Variants in TBX15 observed in about 807,000 individuals in gnomAD.
TBX15 encodes T-box transcription factor 15.
A neutral mutation model predicts 53.9 loss-of-function variants in TBX15; 18 were observed. The observed-to-expected ratio is 0.33, with a 90% CI of 0.23 to 0.49. The LOEUF is 0.49. Ranked by LOEUF, TBX15 falls within the 20% of genes least tolerant of loss-of-function variation. TBX15 has a pLI of 0.98. For synonymous variants in TBX15, 295 were observed against 278.0 expected (o/e 1.06, Z -0.61); for missense variants, 692 against 749.5 (o/e 0.92, Z 0.90).
In TBX15 at chr1:118,958,572, A is replaced by T. The variant is rs76476976; in HGVS notation, c.206-26740T>A. Among the ~76,000 whole-genome samples the T allele has an allele frequency of 2.2e-4, 33 of 152,280 alleles. No individual in the cohort carries two copies. The East Asian group carries it at 5.2e-3, about 24-fold the overall frequency. On this transcript the variant is annotated intron_variant, in intron 1 of 7. Transcript: ENST00000369429. ...GCACTAAATATTATTTATCTTGATC[A>T]GTGATATAATTTTTGCCTCCGCATG...
chr1:118,939,924 C>T (rs781415271), intron 1 of TBX15, among the ~76,000 whole-genome samples: 9 of 151,688 alleles, frequency 5.9e-5, no homozygotes, highest in South Asian at 4.2e-4. Context: ...ATTATTGCTG[C>T]CATTTTATAT....
chr1:118,950,715 T>C (rs1201088086), intron 1 of TBX15, among the ~76,000 whole-genome samples: 1 of 152,236 alleles, frequency 6.6e-6, no homozygotes, highest in Non-Finnish European at 1.5e-5. Flanking sequence ...TGGGCCTTTA[T>C]TATTCTCTAA....
At chr1:118,961,404 G>A (rs572919802) in intron 1 of TBX15, among the ~76,000 whole-genome samples, 5 of 152,118 alleles carry the variant, frequency 3.3e-5, no homozygotes, top group South Asian at 2.1e-4. Context: ...CTACAGTCTC[G>A]ATGTTTGCAA....
intron 1 of TBX15, among the ~76,000 whole-genome samples, chr1:118,948,564 T>C (rs888220592): frequency 2.6e-5 from 4 of 152,300 alleles, no homozygotes; most frequent in African/African-American, 9.6e-5. Flanking sequence ...TCTTTTCCCC[T>C]CTGGGCCTCA....
chr1:118,885,068 T>C lies in TBX15; in HGVS notation c.1473A>G (p.Ser491=), dbSNP rs1181858807. The C allele has an allele frequency of 9.3e-6, 15 of 1,613,968 alleles. No homozygotes were observed. The African/African-American group carries it at 2.0e-4, about 22-fold the overall frequency. Residue 491 remains serine, a synonymous_variant, in exon 8 of 8, where the codon TCA becomes TCG. Coordinates refer to ENST00000369429, the MANE Select transcript of TBX15 (RefSeq NM_001330677.2). ...GGCTGCCCCCGAACATGTGTGGTGATGAGGAGCTGGAGGCAGCATTGCCTG... is the reference window on the plus strand; with the variant it reads ...GGCTGCCCCCGAACATGTGTGGTGACGAGGAGCTGGAGGCAGCATTGCCTG... ...MQAGNAASSS[S]SPHMFGGSHM...
At chr1:118,975,455 CA>C (rs1296385103) in intron 1 of TBX15, among the ~76,000 whole-genome samples, 1 of 152,190 alleles carries the variant, frequency 6.6e-6, no homozygotes, top group Non-Finnish European at 1.5e-5. Flanking sequence ...TTTCCACCTA[CA>C]AAGGTTCAAC....
intron 1 of TBX15, among the ~76,000 whole-genome samples, chr1:118,956,274 A>G (rs1471594428): frequency 6.6e-6 from 1 of 151,610 alleles, no homozygotes; most frequent in Non-Finnish European, 1.5e-5. Flanking sequence ...TTAGATTAGG[A>G]AAAAAAAATA....
intron 1 of TBX15, among the ~76,000 whole-genome samples, chr1:118,951,719 C>T (rs1285818369): frequency 6.6e-6 from 1 of 152,182 alleles, no homozygotes. Context: ...GCTTCCTGCT[C>T]CTATATCTGC....
intron 1 of TBX15, among the ~76,000 whole-genome samples, chr1:118,942,198 T>C (rs1440183142): frequency 6.6e-6 from 1 of 152,166 alleles, no homozygotes; most frequent in Non-Finnish European, 1.5e-5. Flanking sequence ...GAGGGGTTTC[T>C]AGGAAAAGGG....
Position 118,905,733 on chromosome 1 carries a change from T to C in TBX15, c.927-6608A>G, listed in dbSNP as rs562501899. ...AGTGCCAGGAAAGAGTAGAAAGAGA[T>C]TGGCTGGACAAATATACCCAATGGC... On this transcript the variant is annotated intron_variant, in intron 6 of 7. Transcript: ENST00000369429. Among the ~76,000 whole-genome samples, 4 of 152,180 alleles carry C rather than the reference T, an allele frequency of 2.6e-5. No individual in the cohort carries two copies. In the South Asian group the frequency reaches 8.3e-4, roughly 32 times the overall value.
chr1:118,982,691 T>C (rs1657685990), intron 1 of TBX15, among the ~76,000 whole-genome samples: 1 of 152,250 alleles, frequency 6.6e-6, no homozygotes, highest in African/African-American at 2.4e-5. Flanking sequence ...TTTTCTTTCA[T>C]AATTAAAAGA....
chr1:118,945,745 C>A (rs1411275383), intron 1 of TBX15, among the ~76,000 whole-genome samples: 1 of 152,164 alleles, frequency 6.6e-6, no homozygotes, highest in Non-Finnish European at 1.5e-5. Context: ...ATAAATTCAA[C>A]CCTGGCTAAT....
At chr1:118,889,048 TTGG>T (rs1654046018) in intron 7 of TBX15, among the ~76,000 whole-genome samples, 1 of 152,206 alleles carries the variant, frequency 6.6e-6, no homozygotes, top group African/African-American at 2.4e-5. Flanking sequence ...GAAATGAGAC[TTGG>T]TGGCCTGCTG....
intron 1 of TBX15, among the ~76,000 whole-genome samples, chr1:118,958,150 G>A (rs985036): frequency 0.32 from 48,273 of 152,106 alleles, 8,850 homozygotes; most frequent in East Asian, 0.58. Flanking sequence ...TTTTGGAGAC[G>A]AGACTTTGAA....
chr1:118,940,433 A>G (rs1656134504), intron 1 of TBX15, among the ~76,000 whole-genome samples: 3 of 151,926 alleles, frequency 2.0e-5, no homozygotes, highest in Admixed American at 2.0e-4. Context: ...AGCCTAGACC[A>G]TTAAGCAAAA....
chr1:118,988,846 G>A (rs1466342596), upstream of TBX15, among the ~76,000 whole-genome samples: 1 of 152,174 alleles, frequency 6.6e-6, no homozygotes, highest in Non-Finnish European at 1.5e-5. Flanking sequence ...AGCAAATCTG[G>A]GTAAGGCAAA....
intron 1 of TBX15, among the ~76,000 whole-genome samples, chr1:118,947,990 G>A (rs1255669480): frequency 1.3e-5 from 2 of 152,096 alleles, no homozygotes; most frequent in Admixed American, 1.3e-4. Context: ...TGCAAAATGC[G>A]AGCAAGGTCA....
At position 118,924,804 on chromosome 1, in the gene TBX15, T is replaced by C; in HGVS notation, c.535A>G (p.Ser179Gly). 1 of 1,613,936 alleles carries C rather than the reference T, an allele frequency of 6.2e-7. No individual in the cohort carries two copies. Among genetic ancestry groups the C allele is most frequent in the Non-Finnish European group, 8.5e-7 (1 of 1,179,968 alleles). ...DNKRYRYVYHSSKWMVAGNAD... is the reference protein window; with the variant it reads ...DNKRYRYVYHGSKWMVAGNAD... ...TTGCCAGCCACCATCCACTTGGAGCTATGATACACATATCTGAGATAAAGA... is the reference window on the plus strand; with the variant it reads ...TTGCCAGCCACCATCCACTTGGAGCCATGATACACATATCTGAGATAAAGA... Residue 179 changes from serine (S) to glycine (G), a missense_variant, in exon 4 of 8, where the codon AGC becomes GGC. This residue lies in a region of TBX15 where 307 missense variants were observed against 347.5 expected (regional missense o/e 0.88). Coordinates refer to ENST00000369429, the MANE Select transcript of TBX15 (RefSeq NM_001330677.2).
Position 118,988,140 on chromosome 1 carries a change from T to G in TBX15, c.-345A>C. On this transcript the variant is annotated 5_prime_UTR_variant, in exon 1 of 8. Coordinates refer to ENST00000369429, the MANE Select transcript of TBX15 (RefSeq NM_001330677.2). ...CATCTTGTTTTTGTTATTATTATTA[T>G]TCTCTCTCCTCTCTCTCTCTCTCTC... 4.8e-5 allele frequency: 13 copies of G among 270,306 alleles called. No individual in the cohort carries two copies. The highest frequency in any genetic ancestry group is 7.8e-5 in the East Asian group (1 of 12,898). The allele number at this position is 270,306 out of a possible 1,614,324, so 16.7% of individuals were successfully genotyped here.
Sources: allele counts gnomAD v4.1 joint callset (sites outside exome capture counted in the v4.1 genomes callset), GRCh38; gene constraint gnomAD v4.1.1; regional missense constraint gnomAD v4.1.1; transcripts MANE v1.5; gene names NCBI Gene and HGNC (gene_info 2026-07-23, HGNC 2026-07-21).